MYO18B: variants seen among roughly 807,000 people sequenced by gnomAD.
MYO18B encodes myosin XVIIIB, also known as unconventional myosin-XVIIIb.
MYO18B carries 204 observed loss-of-function variants against 273.0 expected under a neutral mutation model. That is an observed-to-expected ratio of 0.75 (90% CI 0.67 to 0.84). The LOEUF is 0.84. Among genes scored for constraint, MYO18B ranks in the 40% least tolerant of loss-of-function variants. The probability of loss-of-function intolerance (pLI) is 0.00; values close to 1 mark genes in which losing one functional copy is unlikely to be tolerated. For synonymous variants in MYO18B, 1,330 were observed against 1,305.7 expected (o/e 1.02, Z -0.40); for missense variants, 3,212 against 3,287.6 (o/e 0.98, Z 0.56).
chr22:26,048,450 G>A, the MYO18B span, among the ~76,000 whole-genome samples: 1 of 152,058 alleles, frequency 6.6e-6, no homozygotes, highest in Non-Finnish European at 1.5e-5. Flanking sequence ...AAAGACCTCT[G>A]GGGAATTCTG....
At chr22:25,903,211 T>C (rs978542550) in intron 30 of MYO18B, 3 of 202,270 alleles carry the variant, frequency 1.5e-5, no homozygotes, top group Non-Finnish European at 3.0e-5. Context: ...CCAAAGTTAT[T>C]TGATCCTGGA....
intron 34 of MYO18B, among the ~76,000 whole-genome samples, chr22:25,932,028 C>CCTAT (rs2092510990): frequency 6.6e-6 from 1 of 152,056 alleles, no homozygotes; most frequent in Non-Finnish European, 1.5e-5. Flanking sequence ...TGAGCCAACA[C>CCTAT]GCCCAGCCTA....
At chr22:25,759,994 A>G (rs1477743524) in intron 1 of MYO18B, among the ~76,000 whole-genome samples, 1 of 152,222 alleles carries the variant, frequency 6.6e-6, no homozygotes, top group Non-Finnish European at 1.5e-5. Context: ...ATATGATGAC[A>G]AATGATTTCT....
At chr22:25,904,487 C>G (rs2092000591) in intron 31 of MYO18B, among the ~76,000 whole-genome samples, 1 of 152,168 alleles carries the variant, frequency 6.6e-6, no homozygotes, top group African/African-American at 2.4e-5. Flanking sequence ...GATTTGGAAC[C>G]TGTGTCATCT....
At chr22:26,041,201 G>C in the MYO18B span, among the ~76,000 whole-genome samples, 1 of 151,536 alleles carries the variant, frequency 6.6e-6, no homozygotes, top group Non-Finnish European at 1.5e-5. Context: ...TTTTATGTGC[G>C]GTCCAAGACA....
At chr22:25,870,054 C>T (rs1015972459) in intron 22 of MYO18B, among the ~76,000 whole-genome samples, 1 of 152,204 alleles carries the variant, frequency 6.6e-6, no homozygotes, top group Non-Finnish European at 1.5e-5. Flanking sequence ...TCCTGCTTTA[C>T]AGATGAGGAA....
intron 21 of MYO18B, among the ~76,000 whole-genome samples, chr22:25,855,842 A>T: frequency 1.3e-5 from 2 of 148,736 alleles, no homozygotes; most frequent in African/African-American, 2.5e-5. Flanking sequence ...TTTTTTTTGA[A>T]CTCTTGTTTT....
intron 3 of MYO18B, among the ~76,000 whole-genome samples, chr22:25,764,188 C>G (rs2086425285): frequency 6.6e-6 from 1 of 152,234 alleles, no homozygotes; most frequent in Non-Finnish European, 1.5e-5. Context: ...CTGAATAGCG[C>G]TGCTGCATTG....
rs1369352689 is a variant in MYO18B at position 25,921,262 on chromosome 22, C to T, written c.5370C>T (p.Gly1790=). The T allele has an allele frequency of 1.9e-6, 3 of 1,551,276 alleles. No homozygotes were observed. The African/African-American group carries it at 4.1e-5, about 21-fold the overall frequency. ...GGTCTCCCTTTGGCTTTCAGATTGG[C>T]CATCGGGACTTTGATGTGGAGAAGC... is the stretch of plus-strand genomic sequence containing the variant. The part of the protein sequence containing the change: ...GLIGTLCDQI[G]HRDFDVEKRL... The change falls in exon 34 of 44, where the codon GGC becomes GGT. Residue 1790 remains glycine (G), a synonymous_variant. Transcript: ENST00000335473.
chr22:25,881,946 G>C (rs2146222597), intron 25 of MYO18B, among the ~76,000 whole-genome samples: 1 of 152,274 alleles, frequency 6.6e-6, no homozygotes, highest in Middle Eastern at 3.4e-3. Context: ...TCACTTCATA[G>C]CCTTCACATG....
chr22:25,882,895 A>AATTTTT (rs907022446), intron 25 of MYO18B, among the ~76,000 whole-genome samples: 1 of 152,024 alleles, frequency 6.6e-6, no homozygotes, highest in Admixed American at 6.6e-5. Context: ...TTAGTTAATT[A>AATTTTT]ATTTTTATTT....
chr22:25,874,963 A>G (rs896071193), intron 23 of MYO18B, among the ~76,000 whole-genome samples: 1 of 152,250 alleles, frequency 6.6e-6, no homozygotes, highest in African/African-American at 2.4e-5. Flanking sequence ...TACATGGCAC[A>G]TAGTAATTGC....
At chr22:25,745,472 G>GAC (rs3068433) in intron 1 of MYO18B, among the ~76,000 whole-genome samples, 37,063 of 145,856 alleles carry the variant, frequency 0.25, 4,499 homozygotes, top group Non-Finnish European at 0.29. Flanking sequence ...CTCTCTCTCT[G>GAC]ACACACACAC....
In MYO18B at chr22:25,876,226, T is replaced by G. The variant is rs2091192850; in HGVS notation, c.4118T>G (p.Val1373Gly). Residue 1373 changes from valine (V) to glycine (G), a missense_variant, in exon 24 of 44, where the codon GTG becomes GGG. Coordinates refer to ENST00000335473, the MANE Select transcript of MYO18B (RefSeq NM_032608.7). ...RLAAQCIQKN[V>G]AVFLAVKDWP... Reference sequence around the variant, plus strand: ...GCTGCACAGTGCATCCAGAAGAATGTGGCTGTGTTCCTCGCAGTCAAGGAC... The same window carrying G: ...GCTGCACAGTGCATCCAGAAGAATGGGGCTGTGTTCCTCGCAGTCAAGGAC... The G allele has an allele frequency of 6.2e-7, 1 of 1,613,330 alleles. No homozygotes were observed. Among genetic ancestry groups the G allele is most frequent in the Admixed American group, 1.7e-5 (1 of 59,932 alleles).
chr22:26,035,163 G>A (rs1187025511), downstream of MYO18B, among the ~76,000 whole-genome samples: 1 of 152,068 alleles, frequency 6.6e-6, no homozygotes, highest in Non-Finnish European at 1.5e-5. Context: ...GTATTGCCAG[G>A]GAAGAAAATC....
intron 40 of MYO18B, among the ~76,000 whole-genome samples, chr22:25,992,727 G>A (rs919384547): frequency 2.0e-5 from 3 of 152,218 alleles, no homozygotes; most frequent in African/African-American, 7.2e-5. Context: ...CCTTTGGTGA[G>A]GCAATGTGAC....
Position 25,769,223 on chromosome 22 carries a change from G to A in MYO18B, c.1307G>A (p.Gly436Asp), listed in dbSNP as rs1246598364. The A allele has an allele frequency of 6.2e-7, 1 of 1,603,276 alleles. No individual in the cohort carries two copies. Among genetic ancestry groups the A allele is most frequent in the Non-Finnish European group, 8.5e-7 (1 of 1,175,134 alleles). Residue 436 changes from glycine to aspartate, a missense_variant, in exon 4 of 44, where the codon GGC becomes GAC. Gly to Asp is a moderately conservative substitution (Grantham distance 94). Coordinates refer to ENST00000335473, the MANE Select transcript of MYO18B (RefSeq NM_032608.7). ...VESPAAPGKG[G>D]WPGSRGQEAE... ...TCGCCAGCAGCTCCTGGGAAGGGAG[G>A]CTGGCCAGGAAGCCGTGGGCAGGAA...
chr22:25,847,384 T>G (rs752340936), intron 19 of MYO18B, 46 bp from the exon 20 acceptor site: 1 of 1,507,604 alleles, frequency 6.6e-7, no homozygotes, highest in South Asian at 1.2e-5. Flanking sequence ...CCCCTTTCTG[T>G]GTCTCTGTGA....
Position 26,001,034 on chromosome 22 carries a change from G to A in MYO18B, c.6288-2231G>A, listed in dbSNP as rs141821897. Among the ~76,000 whole-genome samples, 1,392 of 152,098 alleles carry A rather than the reference G, an allele frequency of 9.2e-3. 9 individuals carry two copies. Among genetic ancestry groups the A allele is most frequent in the Non-Finnish European group, 0.015 (1,003 of 67,984 alleles). On this transcript the variant is annotated intron_variant, in intron 40 of 43. Transcript: ENST00000335473. ...TTAGGAGGAGCTAGTAAGGATTGCC[G>A]ATAATCTTAGGCTCTTATAAGATTG... is the stretch of plus-strand genomic sequence containing the variant.
Sources: allele counts gnomAD v4.1 joint callset (sites outside exome capture counted in the v4.1 genomes callset), GRCh38; gene constraint gnomAD v4.1.1; transcripts MANE v1.5; gene names NCBI Gene and HGNC (gene_info 2026-07-23, HGNC 2026-07-21).